The following PADI2 variants were observed in gnomAD, a reference collection of about 807,000 sequenced individuals.
PADI2 encodes protein-arginine deiminase type-2.
Under a neutral mutation model 81.1 loss-of-function variants are expected in PADI2, and 70 were observed. The ratio of observed to expected loss-of-function variants is 0.86; its 90% CI spans 0.71 to 1.05. The LOEUF (loss-of-function observed/expected upper bound fraction) is 1.05, where lower values mean the gene tolerates loss of function less well. PADI2 is among the 50% of genes least tolerant of loss of function. PADI2 has a pLI of 0.00. For missense variants in PADI2, 853 were observed against 889.9 expected, an observed-to-expected ratio of 0.96 and a Z score of 0.53; for synonymous variants, 338 against 358.0, an observed-to-expected ratio of 0.94 and a Z score of 0.63.
intron 1 of PADI2, among the ~76,000 whole-genome samples, chr1:17,111,062 G>C (rs927588194): frequency 6.6e-6 from 1 of 150,696 alleles, no homozygotes; most frequent in East Asian, 1.9e-4. Flanking sequence ...ACATTCCCTG[G>C]GCCCATGGAA....
At chr1:17,100,050 G>A (rs1204449030) in intron 3 of PADI2, among the ~76,000 whole-genome samples, 1 of 151,962 alleles carries the variant, frequency 6.6e-6, no homozygotes, top group Non-Finnish European at 1.5e-5. Context: ...GGGGTTGGGG[G>A]GGGGCTTGCC....
At chr1:17,078,100 A>ATATTT (rs1267023756) in intron 11 of PADI2, among the ~76,000 whole-genome samples, 5 of 152,034 alleles carry the variant, frequency 3.3e-5, no homozygotes, top group East Asian at 1.9e-4. Context: ...GATTTATTTA[A>ATATTT]TATTTTATTT....
In PADI2 at chr1:17,071,427, CA is replaced by C; in HGVS notation, c.1613del (p.Val538GlyfsTer11). On this transcript the variant is annotated frameshift_variant, in exon 14 of 16. Transcript: ENST00000375486. LOFTEE classifies it high-confidence loss of function. ...INKILSNESL[V>X]QENLYFQRCL... is the part of the protein sequence containing the mutation. ...TCACCTGGAAGTACAGGTTCTCCTG[CA>C]CAAGGCTCTCGTTGGACAGAATCTT... The C allele has an allele frequency of 1.9e-6, 3 of 1,613,504 alleles. No homozygotes were observed. The highest frequency in any genetic ancestry group is 2.5e-6 in the Non-Finnish European group (3 of 1,179,352).
rs1229047742 is a variant in PADI2, at chr1:17,070,136, C to T, written c.1716G>A (p.Leu572=). The T allele has an allele frequency of 6.2e-7, 1 of 1,613,972 alleles. No individual in the cohort carries two copies. The highest frequency in any genetic ancestry group is 8.5e-7 in the Non-Finnish European group (1 of 1,179,988). ...TEQDIIDLPA[L]FKMDEDHRAR... Reference sequence around the variant, plus strand: ...CACGGTGGTCCTCGTCCATCTTGAACAGAGCGGGCAGGTCAATGATGTCCT... The same window carrying T: ...CACGGTGGTCCTCGTCCATCTTGAATAGAGCGGGCAGGTCAATGATGTCCT... Residue 572 remains leucine, a synonymous_variant, in exon 15 of 16, where the codon CTG becomes CTA. Transcript: ENST00000375486.
chr1:17,071,404 A>G lies in PADI2; in HGVS notation c.1635+2T>C. ...GGCCCTGCACCCCTGCCCTGCCCTCACCTGGAAGTACAGGTTCTCCTGCAC... is the reference window on the plus strand; with the variant it reads ...GGCCCTGCACCCCTGCCCTGCCCTCGCCTGGAAGTACAGGTTCTCCTGCAC... On this transcript the variant is annotated splice_donor_variant, in intron 14 of 15. Coordinates refer to ENST00000375486, the MANE Select transcript of PADI2 (RefSeq NM_007365.3). LOFTEE classifies it high-confidence loss of function. 6.2e-7 allele frequency: 1 copy of G among 1,610,548 alleles called. No individual in the cohort carries two copies. The highest frequency in any genetic ancestry group is 8.5e-7 in the Non-Finnish European group (1 of 1,176,982).
In PADI2 at chr1:17,084,764, C is replaced by A; in HGVS notation, c.835-62G>T. ...TTTTGTCAGGTGCTTTCTTTGCCTG[C>A]CTTTCAAAGCGGGTGAAACTGATGA... On this transcript the variant is annotated intron_variant, in intron 7 of 15. Coordinates refer to ENST00000375486, the MANE Select transcript of PADI2 (RefSeq NM_007365.3). The A allele has an allele frequency of 5.0e-6, 5 of 1,005,070 alleles. No individual in the cohort carries two copies. In the South Asian group the frequency reaches 7.4e-5, roughly 15 times the overall value. 62.3% of individuals were successfully genotyped at this position (1,005,070 alleles called of 1,614,324 possible).
intron 15 of PADI2, among the ~76,000 whole-genome samples, chr1:17,069,647 G>C (rs935090150): frequency 9.3e-6 from 1 of 108,012 alleles, no homozygotes; most frequent in Non-Finnish European, 2.4e-5. Context: ...ATGTTCATGC[G>C]TGCATGTGTG....
intron 10 of PADI2, among the ~76,000 whole-genome samples, chr1:17,082,124 A>G (rs1279458554): frequency 1.3e-5 from 2 of 152,086 alleles, no homozygotes; most frequent in African/African-American, 4.8e-5. Flanking sequence ...ACAAACACAC[A>G]CATACACACG....
intron 1 of PADI2, among the ~76,000 whole-genome samples, chr1:17,112,637 A>G (rs1454812723): frequency 1.3e-5 from 2 of 152,078 alleles, no homozygotes; most frequent in African/African-American, 4.8e-5. Context: ...GGTGCTCGGC[A>G]TGGTGGTGGC....
chr1:17,110,465 A>C (rs1931535940), intron 1 of PADI2, among the ~76,000 whole-genome samples: 1 of 152,104 alleles, frequency 6.6e-6, no homozygotes, highest in Non-Finnish European at 1.5e-5. Context: ...GTATTACACA[A>C]GTGATTTAAA....
At position 17,104,966 on chromosome 1, in the gene PADI2, G is replaced by T. The variant is rs746865542; in HGVS notation, c.188C>A (p.Thr63Asn). 1 of 1,609,912 alleles carries T rather than the reference G, an allele frequency of 6.2e-7. No individual in the cohort carries two copies. The highest frequency in any genetic ancestry group is 8.5e-7 in the Non-Finnish European group (1 of 1,179,136). The stretch of plus-strand genomic sequence containing the variant: ...GAGAAGCCAGCGCTGCTTGCCATTG[G>T]TGGCCACCTCCTCAGCCTCCCCATC... ...VRDGEAEEVA[T>N]NGKQRWLLSP... is the part of the protein sequence containing the mutation. The change falls in exon 2 of 16, where the codon ACC (threonine) becomes AAC (asparagine). Residue 63 changes from threonine to asparagine, a missense_variant. Transcript: ENST00000375486.
Position 17,086,714 on chromosome 1 carries a change from A to G in PADI2, c.656-15T>C. ...GAAGAACGGGTCTGGAGGGAAAAGG[A>G]CCAACGTCAGACTCCCACCCGCATC... On this transcript the variant is annotated splice_polypyrimidine_tract_variant and intron_variant, in intron 6 of 15. Coordinates refer to ENST00000375486, the MANE Select transcript of PADI2 (RefSeq NM_007365.3). 2 of 1,608,666 alleles carry G rather than the reference A, an allele frequency of 1.2e-6. No homozygotes were observed. Among genetic ancestry groups the G allele is most frequent in the Non-Finnish European group, 1.7e-6 (2 of 1,176,348 alleles).
rs754266084 is a variant in PADI2 at position 17,082,650 on chromosome 1, A to C, written c.1053T>G (p.Asp351Glu). The C allele has an allele frequency of 1.3e-6, 2 of 1,590,158 alleles. No homozygotes were observed. Among genetic ancestry groups the C allele is most frequent in the East Asian group, 4.5e-5 (2 of 44,092 alleles). ...YLNRGDRWIQ[D>E]EIEFGYIEAP... ...CCTCGATGTAGCCAAACTCAATTTC[A>C]TCCTGCAGGGACACCAAGGAGAACT... The change falls in exon 10 of 16, where the codon GAT becomes GAG. Residue 351 changes from aspartate (D) to glutamate (E), a missense_variant and splice_region_variant. Coordinates refer to ENST00000375486, the MANE Select transcript of PADI2 (RefSeq NM_007365.3).
At position 17,093,664 on chromosome 1, in the gene PADI2, G is replaced by A. The variant is rs777051168; in HGVS notation, c.432C>T (p.Pro144=). 51 of 1,612,830 alleles carry A rather than the reference G, an allele frequency of 3.2e-5. No homozygotes were observed. Among genetic ancestry groups the A allele is most frequent in the South Asian group, 1.8e-4 (16 of 90,976 alleles). ...NPKKASWTWG[P]EGQGAILLVN... is the part of the protein sequence containing the mutation. ...CCAGCAGGATGGCCCCCTGGCCCTC[G>A]GGGCCCCAGGTCCAGGATGCCTACA... The change falls in exon 5 of 16, where the codon CCC becomes CCT. Residue 144 remains proline (P), a synonymous_variant. Coordinates refer to ENST00000375486, the MANE Select transcript of PADI2 (RefSeq NM_007365.3).
chr1:17,102,522 T>C (rs1327913476), intron 3 of PADI2, among the ~76,000 whole-genome samples: 2 of 152,096 alleles, frequency 1.3e-5, no homozygotes, highest in Non-Finnish European at 2.9e-5. Context: ...TTGGACTAGG[T>C]GAGTTAAGGA....
chr1:17,110,855 CTTGTTTGT>C (rs138703779), intron 1 of PADI2, among the ~76,000 whole-genome samples: 13 of 152,038 alleles, frequency 8.6e-5, no homozygotes, highest in Non-Finnish European at 1.5e-4. Context: ...ATTGGATCTT[CTTGTTTGT>C]TTGTTTGTTT....
rs552354874 is a variant in PADI2, at chr1:17,092,424, G to A, written c.639C>T (p.Gly213=). The change falls in exon 6 of 16, where the codon GGC becomes GGT. Residue 213 remains glycine, a synonymous_variant. Transcript: ENST00000375486. ...YISMSDSDKV[G]VFYVENPFFG... The stretch of plus-strand genomic sequence containing the variant: ...ATCACTCACTCTCCACGTAGAACAC[G>A]CCCACTTTGTCTGAGTCTGACATGG... 28 of 1,606,562 alleles carry A rather than the reference G, an allele frequency of 1.7e-5. No individual in the cohort carries two copies. In the East Asian group the frequency reaches 2.3e-4, roughly 13 times the overall value.
chr1:17,096,499 G>A (rs1339220984), intron 3 of PADI2, among the ~76,000 whole-genome samples: 1 of 152,264 alleles, frequency 6.6e-6, no homozygotes, highest in East Asian at 1.9e-4. Context: ...AGAACTTCCA[G>A]TGGGCTAGAT....
At chr1:17,091,286 C>T (rs914811214) in intron 6 of PADI2, among the ~76,000 whole-genome samples, 2 of 148,982 alleles carry the variant, frequency 1.3e-5, no homozygotes, top group African/African-American at 5.0e-5. Flanking sequence ...TCCTGGCCCC[C>T]CTAGGCAGCT....
Sources: allele counts gnomAD v4.1 joint callset (sites outside exome capture counted in the v4.1 genomes callset), GRCh38; gene constraint gnomAD v4.1.1; transcripts MANE v1.5; gene names NCBI Gene and HGNC (gene_info 2026-07-23, HGNC 2026-07-21).